Variants in ZNG1B observed in about 807,000 individuals in gnomAD.
ZNG1B encodes the protein Zn regulated GTPase metalloprotein activator 1B.
chr2:113,489,773 C>A, the ZNG1B span, among the ~76,000 whole-genome samples: 1 of 149,468 alleles, frequency 6.7e-6, no homozygotes, highest in African/African-American at 2.5e-5. Flanking sequence ...CAAAGAGGGA[C>A]ATTATATAAT....
chr2:113,454,100 G>A, the ZNG1B span, among the ~76,000 whole-genome samples: 4 of 151,902 alleles, frequency 2.6e-5, no homozygotes, highest in African/African-American at 4.8e-5. Flanking sequence ...TTATTAAGCT[G>A]GGCCCCATCA....
chr2:113,442,973 T>G, the ZNG1B span, among the ~76,000 whole-genome samples: 14 of 136,252 alleles, frequency 1.0e-4, no homozygotes, highest in Admixed American at 7.1e-5. Flanking sequence ...AAAGTTTAGG[T>G]TTTTTTTTTT....
At chr2:113,477,442 C>T in the ZNG1B span, among the ~76,000 whole-genome samples, 8,201 of 152,034 alleles carry the variant, frequency 0.054, 643 homozygotes, top group African/African-American at 0.19. Flanking sequence ...GAGATGAACC[C>T]GGTACCTCAG....
At chr2:113,469,522 G>A in the ZNG1B span, 1 of 147,790 alleles carries the variant, frequency 6.8e-6, no homozygotes, top group African/African-American at 2.5e-5. Context: ...GCCTTTTAGT[G>A]TAAACTGATA....
At chr2:113,438,858 G>A in the ZNG1B span, among the ~76,000 whole-genome samples, 1 of 152,374 alleles carries the variant, frequency 6.6e-6, no homozygotes, top group East Asian at 1.9e-4. Context: ...CCTAGTTGTT[G>A]CTAGAGACAG....
At chr2:113,473,478 T>C in the ZNG1B span, among the ~76,000 whole-genome samples, 3 of 150,844 alleles carry the variant, frequency 2.0e-5, no homozygotes, top group Non-Finnish European at 4.4e-5. Context: ...TACCCTTTAT[T>C]TCCTTCTCCT....
At chr2:113,449,970 T>C in the ZNG1B span, among the ~76,000 whole-genome samples, 1 of 150,442 alleles carries the variant, frequency 6.6e-6, no homozygotes, top group Non-Finnish European at 1.5e-5. Context: ...GGGAACACTT[T>C]CATTAGAACT....
chr2:113,453,828 T>G, the ZNG1B span, among the ~76,000 whole-genome samples: 1 of 149,486 alleles, frequency 6.7e-6, no homozygotes, highest in Non-Finnish European at 1.5e-5. Flanking sequence ...TGTTAGAGCC[T>G]TTTATTTTAA....
At chr2:113,481,781 A>G in the ZNG1B span, 1 of 187,446 alleles carries the variant, frequency 5.3e-6, no homozygotes, top group Non-Finnish European at 1.1e-5. Flanking sequence ...TGCCAGCATT[A>G]TTTTCATATT....
chr2:113,466,981 G>A, the ZNG1B span, among the ~76,000 whole-genome samples: 74 of 148,354 alleles, frequency 5.0e-4, no homozygotes, highest in African/African-American at 1.5e-3. Context: ...GGAGAATGGC[G>A]TGAACCCGGG....
At chr2:113,464,064 C>T in the ZNG1B span, among the ~76,000 whole-genome samples, 2 of 143,922 alleles carry the variant, frequency 1.4e-5, no homozygotes, top group African/African-American at 5.1e-5. Flanking sequence ...ACTTTTATAT[C>T]CTTATAGAGA....
the ZNG1B span, among the ~76,000 whole-genome samples, chr2:113,446,786 A>G: frequency 6.7e-6 from 1 of 149,614 alleles, no homozygotes; most frequent in Non-Finnish European, 1.5e-5. Flanking sequence ...ACACACACAC[A>G]CACACATTCA....
chr2:113,486,997 A>G, the ZNG1B span, among the ~76,000 whole-genome samples: 4 of 127,266 alleles, frequency 3.1e-5, no homozygotes, highest in Non-Finnish European at 6.7e-5. Flanking sequence ...ATTGTCATTT[A>G]AAAAGTGCAT....
the ZNG1B span, among the ~76,000 whole-genome samples, chr2:113,480,348 G>A: frequency 5.9e-5 from 9 of 151,616 alleles, no homozygotes; most frequent in Admixed American, 2.6e-4. Context: ...CTCTCGCTAC[G>A]TTGCTCAGGC....
the ZNG1B span, among the ~76,000 whole-genome samples, chr2:113,484,510 A>C: frequency 3.3e-5 from 5 of 152,200 alleles, no homozygotes; most frequent in Non-Finnish European, 7.3e-5. Flanking sequence ...TTGGGATAGC[A>C]TGTCCTGAAC....
the ZNG1B span, among the ~76,000 whole-genome samples, chr2:113,488,876 T>A: frequency 1.5e-4 from 23 of 151,762 alleles, no homozygotes; most frequent in Admixed American, 3.9e-4. Context: ...TTATGTTAAA[T>A]GACCAAACCT....
At chr2:113,488,282 C>T in the ZNG1B span, among the ~76,000 whole-genome samples, 1 of 152,122 alleles carries the variant, frequency 6.6e-6, no homozygotes, top group Non-Finnish European at 1.5e-5. Context: ...CACTACAGCT[C>T]AGCTCTCAGG....
the ZNG1B span, among the ~76,000 whole-genome samples, chr2:113,490,120 G>A: frequency 6.6e-6 from 1 of 150,750 alleles, no homozygotes; most frequent in African/African-American, 2.4e-5. Flanking sequence ...CCAACAAAAT[G>A]AGCCTCAATA....
At chr2:113,487,202 C>T in the ZNG1B span, among the ~76,000 whole-genome samples, 1 of 152,148 alleles carries the variant, frequency 6.6e-6, no homozygotes, top group African/African-American at 2.4e-5. Context: ...AGTACAGTAA[C>T]ATATATGCTG....
Sources: gnomAD v4.1 joint callset for allele counts (sites outside exome capture counted in the v4.1 genomes callset) on GRCh38, gnomAD v4.1.1 for gene constraint, MANE v1.5 for transcripts, NCBI Gene and HGNC (gene_info 2026-07-23, HGNC 2026-07-21) for gene names.